CARD14: variants seen among roughly 807,000 people sequenced by gnomAD.
CARD14 encodes the protein caspase recruitment domain family member 14, also known as caspase recruitment domain-containing protein 14.
CARD14 carries 107 observed loss-of-function variants against 111.5 expected under a neutral mutation model. The ratio of observed to expected loss-of-function variants is 0.96; its 90% confidence interval spans 0.82 to 1.13. CARD14 has a LOEUF of 1.13. CARD14 is among the 50% of genes most tolerant of loss of function. The pLI is 0.00. For missense variants in CARD14, 1,322 were observed against 1,362.3 expected, an observed-to-expected ratio of 0.97 and a Z score of 0.47; for synonymous variants, 617 against 579.6, an observed-to-expected ratio of 1.06 and a Z score of -0.93.
chr17:80,173,592 T>A (rs1293645078), intron 2 of CARD14, among the ~76,000 whole-genome samples: 1 of 151,458 alleles, frequency 6.6e-6, no homozygotes, highest in African/African-American at 2.4e-5. Flanking sequence ...AGGCAGTGCA[T>A]CCAGATTCGG....
At chr17:80,179,592 A>G (rs1366434748) in intron 4 of CARD14, among the ~76,000 whole-genome samples, 1 of 152,212 alleles carries the variant, frequency 6.6e-6, no homozygotes, top group Non-Finnish European at 1.5e-5. Flanking sequence ...CAGCACTTTC[A>G]GAGGCTGAGG....
chr17:80,188,777 A>T lies in CARD14; in HGVS notation c.843+233A>T. The T allele has an allele frequency of 3.0e-6, 1 of 331,406 alleles. No homozygotes were observed. Among genetic ancestry groups the T allele is most frequent in the Non-Finnish European group, 5.3e-6 (1 of 188,184 alleles). The allele number at this position is 331,406 out of a possible 1,614,324, so 20.5% of individuals were successfully genotyped here. A position where few individuals can be genotyped will look rare whatever the true frequency, so the allele number is the denominator to read the frequency against. ...ACAGAATTAAAAGCTGGAACTGGGC[A>T]CAGTGGCTCATTCCTGTAATCCCAG... is the stretch of plus-strand genomic sequence containing the variant. On this transcript the variant is annotated intron_variant, in intron 8 of 23. Coordinates refer to ENST00000648509, the MANE Select transcript of CARD14 (RefSeq NM_001366385.1). The surrounding 1 kb of genome is among the most constrained non-coding windows in gnomAD (Gnocchi z 4.5).
chr17:80,204,722 C>T, intron 20 of CARD14: 1 of 414,544 alleles, frequency 2.4e-6, no homozygotes, highest in African/African-American at 2.0e-5. Flanking sequence ...GCCACTCTCC[C>T]AGATCCTTTG....
rs1306930376 is a variant in CARD14, at chr17:80,201,539, A to T, written c.1852-205A>T. On this transcript the variant is annotated intron_variant, in intron 16 of 23. Transcript: ENST00000648509. The surrounding 1 kb of genome is among the most constrained non-coding windows in gnomAD (Gnocchi z 5.0). ...AGGGTTGGCAGTTGACTCTCTGGCCAGCACTATGTGTAGCACGCATCACTA... is the reference window on the plus strand; with the variant it reads ...AGGGTTGGCAGTTGACTCTCTGGCCTGCACTATGTGTAGCACGCATCACTA... The T allele has an allele frequency of 1.7e-6, 1 of 590,366 alleles. No individual in the cohort carries two copies. Among genetic ancestry groups the T allele is most frequent in the Non-Finnish European group, 3.0e-6 (1 of 331,798 alleles). The allele number at this position is 590,366 out of a possible 1,614,324, so 36.6% of individuals were successfully genotyped here.
intron 23 of CARD14, 22 bp from the exon 24 acceptor site, chr17:80,208,112 GCCCC>G (rs750926227): frequency 1.6e-6 from 2 of 1,217,476 alleles, no homozygotes; most frequent in Admixed American, 2.2e-5. Flanking sequence ...CCCTGAGCCC[GCCCC>G]CCCCAACTCT....
At chr17:80,178,355 C>T (rs779678029) in intron 2 of CARD14, 153 bp from the exon 3 acceptor site, 9 of 152,238 alleles carry the variant, frequency 5.9e-5, no homozygotes, top group Non-Finnish European at 1.0e-4. Flanking sequence ...GGGAAAACCA[C>T]AGGGGTCAAA....
At chr17:80,176,620 G>C (rs2040032488) in intron 2 of CARD14, among the ~76,000 whole-genome samples, 1 of 152,180 alleles carries the variant, frequency 6.6e-6, no homozygotes, top group African/African-American at 2.4e-5. Context: ...CATCCTGATA[G>C]ACAGGGGGCC....
Position 80,207,018 on chromosome 17 carries a change from C to A in CARD14, c.2740C>A (p.His914Asn), listed in dbSNP as rs199555156. ...CCAGCTGGACAGTGTCTGCACCCTG[C>A]ACAGGATGGACATCTTCCCCATCGT... ...DVQLDSVCTL[H>N]RMDIFPIVIH... Residue 914 changes from histidine (H) to asparagine (N), a missense_variant, in exon 23 of 24, where the codon CAC becomes AAC. Physicochemically the swap from His to Asn is moderately conservative, Grantham distance 68. Transcript: ENST00000648509. The A allele has an allele frequency of 7.4e-6, 12 of 1,614,076 alleles. No homozygotes were observed. In the Admixed American group the frequency reaches 1.8e-4, roughly 25 times the overall value.
chr17:80,182,392 C>G lies in CARD14; in HGVS notation c.212-261C>G, dbSNP rs917426013. ...CGGTCCCCCCGCACTCGCCAGAGCACTGGGGTTGCAGTAGTTGCTCGATAC... is the reference window on the plus strand; with the variant it reads ...CGGTCCCCCCGCACTCGCCAGAGCAGTGGGGTTGCAGTAGTTGCTCGATAC... On this transcript the variant is annotated intron_variant, in intron 5 of 23. Coordinates refer to ENST00000648509, the MANE Select transcript of CARD14 (RefSeq NM_001366385.1). The surrounding 1 kb of genome is among the most constrained non-coding windows in gnomAD (Gnocchi z 4.7). Among the ~76,000 whole-genome samples the G allele has an allele frequency of 2.6e-5, 4 of 152,224 alleles. No individual in the cohort carries two copies. The highest frequency in any genetic ancestry group is 4.4e-5 in the Non-Finnish European group (3 of 68,038).
At chr17:80,183,395 T>TC (rs2040234606) in intron 6 of CARD14, among the ~76,000 whole-genome samples, 1 of 152,250 alleles carries the variant, frequency 6.6e-6, no homozygotes, top group Non-Finnish European at 1.5e-5. Context: ...GTTTATGTTC[T>TC]TTAGAGTTCT....
rs2040675132 is a variant in CARD14, at chr17:80,195,401, C to T, written c.1499+68C>T. 2 of 1,558,586 alleles carry T rather than the reference C, an allele frequency of 1.3e-6. No individual in the cohort carries two copies. The highest frequency in any genetic ancestry group is 1.4e-5 in the African/African-American group (1 of 74,048). ...GTCCTTCCTGGCAACTCACCAGAGA[C>T]ACCAACCTAGACCTCAGGGCATCTG... On this transcript the variant is annotated intron_variant, in intron 13 of 23. Coordinates refer to ENST00000648509, the MANE Select transcript of CARD14 (RefSeq NM_001366385.1). This position sits in a 1 kb window ranked among gnomAD's most constrained non-coding sequence, Gnocchi z 4.7.
At position 80,195,237 on chromosome 17, in the gene CARD14, T is replaced by A; in HGVS notation, c.1403T>A (p.Val468Glu). The change falls in exon 13 of 24, where the codon GTG becomes GAG. Residue 468 changes from valine to glutamate, a missense_variant. Val to Glu is a moderately radical substitution (Grantham distance 121, BLOSUM62 -2). Coordinates refer to ENST00000648509, the MANE Select transcript of CARD14 (RefSeq NM_001366385.1). The surrounding 1 kb of genome is among the most constrained non-coding windows in gnomAD (Gnocchi z 4.7). ...AGTGCCACGTCCAGCCGCGAGCTGGTGGACAGCTTCCGCTCCAGCAGCCCC... is the reference window on the plus strand; with the variant it reads ...AGTGCCACGTCCAGCCGCGAGCTGGAGGACAGCTTCCGCTCCAGCAGCCCC... Reference protein sequence around the residue: ...DLSATSSRELVDSFRSSSPAP... With the variant: ...DLSATSSRELEDSFRSSSPAP... 1 of 1,612,088 alleles carries A rather than the reference T, an allele frequency of 6.2e-7. No homozygotes were observed. The highest frequency in any genetic ancestry group is 1.1e-5 in the South Asian group (1 of 91,052).
Position 80,202,310 on chromosome 17 carries a change from G to A in CARD14, c.2109G>A (p.Leu703=), listed in dbSNP as rs1333149538. The change falls in exon 18 of 24, where the codon CTG becomes CTA. Residue 703 remains leucine (L), a synonymous_variant. Coordinates refer to ENST00000648509, the MANE Select transcript of CARD14 (RefSeq NM_001366385.1). ...GELQVHCNEV[L]HVTDTMFQGC... is the part of the protein sequence containing the mutation. ...TGCAGGTGCATTGCAACGAGGTCCT[G>A]CACGTCACCGACACCATGTTCCAGG... 6.2e-7 allele frequency: 1 copy of A among 1,613,736 alleles called. No individual in the cohort carries two copies. The highest frequency in any genetic ancestry group is 8.5e-7 in the Non-Finnish European group (1 of 1,180,036).
Position 80,189,966 on chromosome 17 carries a change from G to A in CARD14, c.963+94G>A, listed in dbSNP as rs2040468148. 7.4e-6 allele frequency: 11 copies of A among 1,477,970 alleles called. No individual in the cohort carries two copies. The highest frequency in any genetic ancestry group is 1.3e-5 in the South Asian group (1 of 74,272). 91.6% of individuals were successfully genotyped at this position (1,477,970 alleles called of 1,614,324 possible). The stretch of plus-strand genomic sequence containing the variant: ...GGGGAAGCCAGATTCCTTCATCCAC[G>A]CCGAGCTCACATAATTTTGCTGAAC... On this transcript the variant is annotated intron_variant, in intron 9 of 23. Transcript: ENST00000648509. This position sits in a 1 kb window ranked among gnomAD's most constrained non-coding sequence, Gnocchi z 4.7.
At chr17:80,181,733 C>G in intron 5 of CARD14, 84 bp downstream of exon 5, 2 of 1,251,470 alleles carry the variant, frequency 1.6e-6, no homozygotes, top group Non-Finnish European at 2.2e-6. Flanking sequence ...TTCAGGGGGT[C>G]TCTTCTCGTC....
At chr17:80,197,555 G>A (rs1232824251) in intron 14 of CARD14, 2 of 152,748 alleles carry the variant, frequency 1.3e-5, no homozygotes, top group Non-Finnish European at 2.9e-5. Context: ...AAGAAAGAAA[G>A]AAAGAAAGAA....
rs1394225715 is a variant in CARD14, at chr17:80,188,415, G to A, written c.714G>A (p.Met238Ile). Reference sequence around the variant, plus strand: ...AGCAGGAGCTGCAGCGAGCCAACATGGTTTCCTCCTGTGAGCTGGAATTGC... The same window carrying A: ...AGCAGGAGCTGCAGCGAGCCAACATAGTTTCCTCCTGTGAGCTGGAATTGC... ...LLKQELQRAN[M>I]VSSCELELQE... Residue 238 changes from methionine to isoleucine, a missense_variant, in exon 8 of 24, where the codon ATG becomes ATA. By Grantham distance (10) the Met-to-Ile change is conservative. Transcript: ENST00000648509. This position sits in a 1 kb window ranked among gnomAD's most constrained non-coding sequence, Gnocchi z 4.5. 6.2e-7 allele frequency: 1 copy of A among 1,610,518 alleles called. No individual in the cohort carries two copies. The highest frequency in any genetic ancestry group is 1.1e-5 in the South Asian group (1 of 90,294).
rs890318786 is a variant in CARD14, at chr17:80,199,576, A to G, written c.1851+985A>G. 2.8e-5 allele frequency among the ~76,000 whole-genome samples: 4 copies of G among 144,948 alleles called. No individual in the cohort carries two copies. In the South Asian group the frequency reaches 6.6e-4, roughly 24 times the overall value. ...AGCCTTGTCTCAAAAAAAAAAAAAA[A>G]AAAAAGAAAAGAAAAAAAAAGGCCA... is the stretch of plus-strand genomic sequence containing the variant. On this transcript the variant is annotated intron_variant, in intron 16 of 23. Transcript: ENST00000648509.
rs1373202027 is a variant in CARD14, at chr17:80,206,953, C to T, written c.2692-17C>T. On this transcript the variant is annotated splice_polypyrimidine_tract_variant and intron_variant, in intron 22 of 23. Transcript: ENST00000648509. Reference sequence around the variant, plus strand: ...GGCCTGTGATCTTGACTCACTTCTTCTCTCCCTCCCACAAAGAACACCCAT... The same window carrying T: ...GGCCTGTGATCTTGACTCACTTCTTTTCTCCCTCCCACAAAGAACACCCAT... 50 of 1,589,010 alleles carry T rather than the reference C, an allele frequency of 3.1e-5. No individual in the cohort carries two copies. Among genetic ancestry groups the T allele is most frequent in the Non-Finnish European group, 3.9e-5 (45 of 1,159,834 alleles).
Sources: allele counts gnomAD v4.1 joint callset (sites outside exome capture counted in the v4.1 genomes callset), GRCh38; gene constraint gnomAD v4.1.1; non-coding constraint Gnocchi (gnomAD v3.1); transcripts MANE v1.5; gene names NCBI Gene and HGNC (gene_info 2026-07-23, HGNC 2026-07-21).